Variants in IKZF3 observed in about 807,000 individuals in gnomAD.
IKZF3 encodes the protein zinc finger protein Aiolos.
IKZF3 carries 10 observed loss-of-function variants against 49.0 expected under a neutral mutation model. The observed-to-expected ratio is 0.20, with a 90% CI of 0.13 to 0.35. The LOEUF (loss-of-function observed/expected upper bound fraction) is 0.35, where lower values mean the gene tolerates loss of function less well. IKZF3 is among the 10% of genes least tolerant of loss of function. IKZF3 has a pLI of 1.00. For missense variants in IKZF3, 498 were observed against 664.8 expected, an observed-to-expected ratio of 0.75 and a Z score of 2.76; for synonymous variants, 209 against 228.2, an observed-to-expected ratio of 0.92 and a Z score of 0.76.
intron 3 of IKZF3, among the ~76,000 whole-genome samples, chr17:39,798,660 C>A (rs2061237260): frequency 6.6e-6 from 1 of 152,088 alleles, no homozygotes; most frequent in East Asian, 1.9e-4. Flanking sequence ...CGCCCACCAC[C>A]ATACCCAGCT....
intron 3 of IKZF3, among the ~76,000 whole-genome samples, chr17:39,827,546 G>T (rs2061990911): frequency 6.6e-6 from 1 of 152,068 alleles, no homozygotes. Flanking sequence ...GGGCTCAAGA[G>T]ATCCTCCTGC....
intron 3 of IKZF3, among the ~76,000 whole-genome samples, chr17:39,809,682 T>A (rs900155319): frequency 6.6e-6 from 1 of 152,210 alleles, no homozygotes; most frequent in African/African-American, 2.4e-5. Context: ...TAAAAACTGT[T>A]TTCCACATTT....
chr17:39,808,055 CAG>C (rs1374480007), intron 3 of IKZF3, among the ~76,000 whole-genome samples: 4 of 152,076 alleles, frequency 2.6e-5, no homozygotes, highest in Non-Finnish European at 5.9e-5. Context: ...GAAATCTATA[CAG>C]ATAAACAAAA....
At chr17:39,791,660 G>C in intron 4 of IKZF3, 77 bp from the exon 5 acceptor site, 1 of 1,420,894 alleles carries the variant, frequency 7.0e-7, no homozygotes, top group Non-Finnish European at 9.8e-7. Context: ...ATGCCTAGGG[G>C]AAAAGCTCAT....
chr17:39,792,565 T>C (rs2061052259), intron 4 of IKZF3, 108 bp downstream of exon 4: 3 of 1,144,214 alleles, frequency 2.6e-6, no homozygotes, highest in Non-Finnish European at 3.7e-6. Flanking sequence ...ATCAGCATTA[T>C]AGCAAAAATC....
intron 4 of IKZF3, among the ~76,000 whole-genome samples, chr17:39,792,261 T>C (rs1412700163): frequency 2.0e-5 from 3 of 152,192 alleles, no homozygotes; most frequent in African/African-American, 7.2e-5. Flanking sequence ...AGATACATTA[T>C]TTTAAGCTGG....
chr17:39,863,310 G>A (rs2063266363), intron 1 of IKZF3, among the ~76,000 whole-genome samples: 1 of 152,014 alleles, frequency 6.6e-6, no homozygotes, highest in Admixed American at 6.6e-5. Context: ...CCATTATTAT[G>A]AAGAAAATAC....
At chr17:39,822,047 A>C (rs2144208504) in intron 3 of IKZF3, among the ~76,000 whole-genome samples, 1 of 152,330 alleles carries the variant, frequency 6.6e-6, no homozygotes, top group Non-Finnish European at 1.5e-5. Context: ...GTCATTCCTA[A>C]GGGAACAGCT....
At chr17:39,780,880 A>G (rs368705108) in intron 6 of IKZF3, among the ~76,000 whole-genome samples, 4 of 152,246 alleles carry the variant, frequency 2.6e-5, no homozygotes, top group South Asian at 2.1e-4. Context: ...TAATAATGTG[A>G]TAATAATGAC....
At chr17:39,767,696 T>C (rs1179309862) in intron 7 of IKZF3, among the ~76,000 whole-genome samples, 1 of 152,200 alleles carries the variant, frequency 6.6e-6, no homozygotes, top group African/African-American at 2.4e-5. Context: ...AACCAGTTCC[T>C]GTTCTTGAGG....
intron 6 of IKZF3, among the ~76,000 whole-genome samples, chr17:39,785,052 C>T (rs1047615125): frequency 2.0e-5 from 3 of 152,080 alleles, no homozygotes; most frequent in African/African-American, 4.8e-5. Flanking sequence ...TTACAAGTGA[C>T]GGATGAGGCA....
chr17:39,778,442 T>C (rs2060646109), intron 6 of IKZF3, among the ~76,000 whole-genome samples: 1 of 152,222 alleles, frequency 6.6e-6, no homozygotes, highest in Non-Finnish European at 1.5e-5. Context: ...GCAACACTTC[T>C]GCCTTGAAAT....
intron 5 of IKZF3, among the ~76,000 whole-genome samples, chr17:39,791,073 G>A (rs535148275): frequency 1.3e-5 from 2 of 152,036 alleles, no homozygotes; most frequent in African/African-American, 4.8e-5. Flanking sequence ...GTGTGTGTTG[G>A]GAAAATAATC....
chr17:39,792,061 T>C (rs2143881574), intron 4 of IKZF3, among the ~76,000 whole-genome samples: 1 of 152,136 alleles, frequency 6.6e-6, no homozygotes, highest in African/African-American at 2.4e-5. Flanking sequence ...GCCTGGCTAA[T>C]TTTTTAGTAT....
intron 2 of IKZF3, among the ~76,000 whole-genome samples, chr17:39,829,877 G>A (rs1035812871): frequency 1.3e-5 from 2 of 152,154 alleles, no homozygotes; most frequent in Non-Finnish European, 2.9e-5. Flanking sequence ...ACTTGAACTC[G>A]GGAGGTGGAG....
In IKZF3 at chr17:39,761,649, C is replaced by T. The variant is rs2143508201; in HGVS notation, c.*4141G>A. The T allele has an allele frequency of 6.6e-6, 1 of 152,368 alleles. No individual in the cohort carries two copies. Among genetic ancestry groups the T allele is most frequent in the African/African-American group, 2.4e-5 (1 of 41,566 alleles). 9.4% of individuals were successfully genotyped at this position (152,368 alleles called of 1,614,324 possible). On this transcript the variant is annotated 3_prime_UTR_variant, in exon 8 of 8. Transcript: ENST00000346872. The stretch of plus-strand genomic sequence containing the variant: ...ACTGGTTCTGTTTCTTTTCCACCCT[C>T]AGCCCAGTTCTGTCACCTTGGCTGC...
In IKZF3 at chr17:39,829,507, T is replaced by C. The variant is rs1568032830; in HGVS notation, c.62-19A>G. On this transcript the variant is annotated intron_variant, in intron 2 of 7. Coordinates refer to ENST00000346872, the MANE Select transcript of IKZF3 (RefSeq NM_012481.5). ...GCACTTTCTAAAAGATAAAAGGAAT[T>C]TTAAGTATGTGGTTCAACGTTAAAG... The C allele has an allele frequency of 6.5e-7, 1 of 1,545,458 alleles. No homozygotes were observed.
At chr17:39,844,303 G>A (rs1321401218) in intron 1 of IKZF3, among the ~76,000 whole-genome samples, 1 of 152,110 alleles carries the variant, frequency 6.6e-6, no homozygotes, top group Non-Finnish European at 1.5e-5. Flanking sequence ...ATCTTGGAGT[G>A]GGTTAATTTT....
chr17:39,844,225 A>T (rs1186262358), intron 1 of IKZF3, among the ~76,000 whole-genome samples: 3 of 152,172 alleles, frequency 2.0e-5, no homozygotes, highest in Non-Finnish European at 4.4e-5. Flanking sequence ...GAGTCCCTAT[A>T]TTGCTTTTGA....
Sources: gnomAD v4.1 joint callset for allele counts (sites outside exome capture counted in the v4.1 genomes callset) on GRCh38, gnomAD v4.1.1 for gene constraint, MANE v1.5 for transcripts, NCBI Gene and HGNC (gene_info 2026-07-23, HGNC 2026-07-21) for gene names.